Variants in LINGO2 observed in about 807,000 individuals in gnomAD.
LINGO2 encodes the protein leucine rich repeat and Ig domain containing 2.
A neutral mutation model predicts 30.6 loss-of-function variants in LINGO2; 14 were observed. The observed-to-expected ratio is 0.46, with a 90% CI of 0.30 to 0.72. The LOEUF (loss-of-function observed/expected upper bound fraction) is 0.72. Among genes scored for constraint, LINGO2 ranks in the 30% least tolerant of loss-of-function variants. LINGO2 has a pLI of 0.07. For missense variants in LINGO2, 729 were observed against 751.7 expected (o/e 0.97, Z 0.35); for synonymous variants, 317 against 288.5 (o/e 1.10, Z -1.00).
intron 3 of LINGO2, among the ~76,000 whole-genome samples, chr9:28,309,251 C>T (rs1824505107): frequency 6.6e-6 from 1 of 152,064 alleles, no homozygotes; most frequent in African/African-American, 2.4e-5. Flanking sequence ...ACTACGCAGC[C>T]ATAAAAAATG....
At chr9:28,390,817 C>G (rs577441517) in intron 2 of LINGO2, among the ~76,000 whole-genome samples, 2 of 152,092 alleles carry the variant, frequency 1.3e-5, no homozygotes, top group Admixed American at 6.5e-5. Flanking sequence ...TCGTGATGCT[C>G]TTCTTATTAT....
chr9:27,971,432 A>G (rs1387098235), intron 5 of LINGO2, among the ~76,000 whole-genome samples: 1 of 152,148 alleles, frequency 6.6e-6, no homozygotes, highest in Non-Finnish European at 1.5e-5. Context: ...CCCAGGCTGG[A>G]GTGCGGTGGC....
chr9:28,926,543 G>T, the LINGO2 span, among the ~76,000 whole-genome samples: 2 of 152,082 alleles, frequency 1.3e-5, no homozygotes, highest in African/African-American at 2.4e-5. Flanking sequence ...AAAACAGAAA[G>T]GTTTAGAATT....
the LINGO2 span, among the ~76,000 whole-genome samples, chr9:28,712,711 C>A: frequency 6.6e-6 from 1 of 151,158 alleles, no homozygotes; most frequent in South Asian, 2.1e-4. Flanking sequence ...TCATGATTAA[C>A]TACAATAAAA....
rs143175208 is a variant in LINGO2, at chr9:28,450,236, C to T, written c.-279+25704G>A. The stretch of plus-strand genomic sequence containing the variant: ...TTAAGGACATTCCTTAAAATCAGAC[C>T]CCTAAGTCCAATCTAAGACCCATCA... On this transcript the variant is annotated intron_variant, in intron 2 of 5. Transcript: ENST00000379992. Among the ~76,000 whole-genome samples, 179 of 152,036 alleles carry T rather than the reference C, an allele frequency of 1.2e-3. 2 individuals are homozygous for T. The highest frequency in any genetic ancestry group is 4.1e-3 in the African/African-American group (172 of 41,512).
the LINGO2 span, among the ~76,000 whole-genome samples, chr9:28,877,598 T>G: frequency 6.6e-6 from 1 of 152,168 alleles, no homozygotes; most frequent in African/African-American, 2.4e-5. Context: ...TCTGTTCTGT[T>G]CCATTGATCT....
At chr9:28,717,700 C>T in the LINGO2 span, among the ~76,000 whole-genome samples, 5 of 151,904 alleles carry the variant, frequency 3.3e-5, no homozygotes, top group Admixed American at 2.0e-4. Context: ...ATATTTTCAA[C>T]ATTCATCCCT....
chr9:28,444,088 C>T (rs368558176), intron 2 of LINGO2, among the ~76,000 whole-genome samples: 52 of 152,268 alleles, frequency 3.4e-4, no homozygotes, highest in Admixed American at 6.5e-4. Context: ...AGAGCTGTTC[C>T]GTCACTCAAT....
At chr9:29,188,989 G>A in the LINGO2 span, among the ~76,000 whole-genome samples, 2 of 143,010 alleles carry the variant, frequency 1.4e-5, no homozygotes, top group African/African-American at 5.6e-5. Flanking sequence ...GCCGGATGGG[G>A]CGGCTGGCCG....
At chr9:28,211,055 G>A (rs2133858629) in intron 4 of LINGO2, among the ~76,000 whole-genome samples, 1 of 151,566 alleles carries the variant, frequency 6.6e-6, no homozygotes, top group South Asian at 2.1e-4. Flanking sequence ...AATTTCATAA[G>A]CACTCTTAAT....
At chr9:28,458,851 A>T (rs1824958028) in intron 2 of LINGO2, among the ~76,000 whole-genome samples, 3 of 152,178 alleles carry the variant, frequency 2.0e-5, no homozygotes, top group Admixed American at 6.6e-5. Context: ...CAAAAAATCC[A>T]TACTCTAAAA....
chr9:28,396,749 G>A (rs7028515), intron 2 of LINGO2, among the ~76,000 whole-genome samples: 15,595 of 129,430 alleles, frequency 0.12, 949 homozygotes, highest in East Asian at 0.21. Flanking sequence ...GGTCATCCAT[G>A]CAGTTATCTG....
chr9:28,643,371 C>A lies in LINGO2; in HGVS notation c.-365+26829G>T, dbSNP rs189175591. Reference sequence around the variant, plus strand: ...AGACCAACGGAACAGAATAGAAGACCCCAGAAACAAATTTACACGCTCACA... The same window carrying A: ...AGACCAACGGAACAGAATAGAAGACACCAGAAACAAATTTACACGCTCACA... On this transcript the variant is annotated intron_variant, in intron 1 of 5. Coordinates refer to ENST00000379992, the Ensembl canonical transcript of LINGO2. Among the ~76,000 whole-genome samples the A allele has an allele frequency of 2.6e-5, 4 of 151,850 alleles. No individual in the cohort carries two copies. The East Asian group carries it at 7.7e-4, about 29-fold the overall frequency.
chr9:28,874,142 A>G, the LINGO2 span, among the ~76,000 whole-genome samples: 1 of 152,058 alleles, frequency 6.6e-6, no homozygotes, highest in African/African-American at 2.4e-5. Flanking sequence ...AAAATAGAGA[A>G]TATTCTAGCC....
chr9:28,958,706 AGAG>A, the LINGO2 span, among the ~76,000 whole-genome samples: 1 of 151,948 alleles, frequency 6.6e-6, no homozygotes, highest in African/African-American at 2.4e-5. Flanking sequence ...AAAGGAGAGA[AGAG>A]GAGAAAAAAG....
chr9:28,283,169 G>T (rs1823388966), intron 4 of LINGO2, among the ~76,000 whole-genome samples: 2 of 152,178 alleles, frequency 1.3e-5, no homozygotes, highest in African/African-American at 4.8e-5. Flanking sequence ...GAACACTAAA[G>T]TATTATTCAA....
intron 4 of LINGO2, among the ~76,000 whole-genome samples, chr9:28,073,728 T>A (rs1425000035): frequency 6.6e-6 from 1 of 152,142 alleles, no homozygotes; most frequent in East Asian, 1.9e-4. Context: ...TTTGGGACAA[T>A]CAAGAACATT....
intron 4 of LINGO2, among the ~76,000 whole-genome samples, chr9:28,078,319 T>A (rs1333675961): frequency 1.3e-5 from 2 of 148,910 alleles, no homozygotes; most frequent in African/African-American, 5.2e-5. Flanking sequence ...GCAGAGTTGC[T>A]ACCAGCAATG....
At chr9:28,182,931 A>G (rs1819410148) in intron 4 of LINGO2, among the ~76,000 whole-genome samples, 1 of 152,194 alleles carries the variant, frequency 6.6e-6, no homozygotes, top group African/African-American at 2.4e-5. Context: ...CAGAAATACC[A>G]TTTGACTCAG....
Sources: gnomAD v4.1 joint callset for allele counts (sites outside exome capture counted in the v4.1 genomes callset) on GRCh38, gnomAD v4.1.1 for gene constraint, MANE v1.5 for transcripts, NCBI Gene and HGNC (gene_info 2026-07-23, HGNC 2026-07-21) for gene names.